The following TRIM2 variants were observed in gnomAD, a reference collection of about 807,000 sequenced individuals.
TRIM2 encodes tripartite motif-containing protein 2.
Under a neutral mutation model 75.2 loss-of-function variants are expected in TRIM2, and 20 were observed. The observed-to-expected ratio is 0.27, with a 90% confidence interval of 0.19 to 0.39. TRIM2 has a LOEUF of 0.39. Among genes scored for constraint, TRIM2 ranks in the 10% least tolerant of loss-of-function variants. The probability of loss-of-function intolerance (pLI) is 1.00; values close to 1 mark genes in which losing one functional copy is unlikely to be tolerated. For synonymous variants in TRIM2, 373 were observed against 388.3 expected (o/e 0.96, Z 0.46); for missense variants, 660 against 990.8 (o/e 0.67, Z 4.48).
chr4:153,209,737 T>A (rs1736435681), intron 1 of TRIM2, among the ~76,000 whole-genome samples: 1 of 152,206 alleles, frequency 6.6e-6, no homozygotes, highest in African/African-American at 2.4e-5. Flanking sequence ...GATCTATTCC[T>A]TAGTGTGTGG....
chr4:153,188,119 T>G (rs1013092230), intron 1 of TRIM2, among the ~76,000 whole-genome samples: 33 of 152,312 alleles, frequency 2.2e-4, no homozygotes, highest in African/African-American at 7.9e-4. Flanking sequence ...AAGCTGGAGT[T>G]GTTATTCTAA....
chr4:153,232,735 T>C (rs1320783158), intron 1 of TRIM2, among the ~76,000 whole-genome samples: 2 of 152,202 alleles, frequency 1.3e-5, no homozygotes. Context: ...AATGGTAATG[T>C]GTCGTTAAGT....
At chr4:153,252,722 C>A (rs184939914) in intron 1 of TRIM2, among the ~76,000 whole-genome samples, 119 of 152,262 alleles carry the variant, frequency 7.8e-4, no homozygotes, top group African/African-American at 2.8e-3. Context: ...CTTGGCCAGG[C>A]TTGTCTTGAA....
At chr4:153,321,987 G>C (rs1323656696) in intron 8 of TRIM2, among the ~76,000 whole-genome samples, 6 of 152,172 alleles carry the variant, frequency 3.9e-5, no homozygotes, top group Non-Finnish European at 8.8e-5. Context: ...GCAAGCAATG[G>C]AAGTAGGTCA....
At chr4:153,284,368 T>A (rs933817731) in intron 3 of TRIM2, among the ~76,000 whole-genome samples, 2 of 151,610 alleles carry the variant, frequency 1.3e-5, no homozygotes, top group Admixed American at 1.3e-4. Flanking sequence ...GCCTGGCTAA[T>A]TTTTTTGTAT....
At chr4:153,191,045 A>G (rs1325337042) in intron 1 of TRIM2, among the ~76,000 whole-genome samples, 2 of 152,148 alleles carry the variant, frequency 1.3e-5, no homozygotes, top group Non-Finnish European at 2.9e-5. Context: ...CTGGAATGCT[A>G]TTCTTTTTCT....
intron 1 of TRIM2, among the ~76,000 whole-genome samples, chr4:153,231,253 A>G (rs56382040): frequency 1.3e-5 from 2 of 152,220 alleles, no homozygotes; most frequent in African/African-American, 4.8e-5. Flanking sequence ...AGAATATCAC[A>G]TAGGAAACCA....
At chr4:153,174,378 T>C (rs1731201516) in intron 1 of TRIM2, among the ~76,000 whole-genome samples, 1 of 151,954 alleles carries the variant, frequency 6.6e-6, no homozygotes. Context: ...GAATCAGTCC[T>C]GAGACTCAGG....
At chr4:153,325,128 G>A (rs1769873652) in intron 10 of TRIM2, among the ~76,000 whole-genome samples, 1 of 152,112 alleles carries the variant, frequency 6.6e-6, no homozygotes, top group Non-Finnish European at 1.5e-5. Flanking sequence ...CTAGATAAGG[G>A]GTAGGTTTTT....
chr4:153,169,922 T>C (rs1305129792), intron 1 of TRIM2, among the ~76,000 whole-genome samples: 1 of 152,150 alleles, frequency 6.6e-6, no homozygotes, highest in Non-Finnish European at 1.5e-5. Flanking sequence ...CTCTCCACAA[T>C]GGCCGTCTAC....
upstream of TRIM2, among the ~76,000 whole-genome samples, chr4:153,201,738 A>T (rs925363941): frequency 1.1e-4 from 17 of 152,150 alleles, no homozygotes; most frequent in African/African-American, 3.9e-4. Flanking sequence ...ATTTTAACGA[A>T]GTCCAATTTA....
In TRIM2 at chr4:153,335,088, A is replaced by G. The variant is rs538908761; in HGVS notation, c.*122A>G. On this transcript the variant is annotated 3_prime_UTR_variant, in exon 12 of 12. Coordinates refer to ENST00000338700, the MANE Select transcript of TRIM2 (RefSeq NM_015271.5). The stretch of plus-strand genomic sequence containing the variant: ...AGAAGGAATCATTGGTGAACTTTCC[A>G]AGGTTATTTCTGAATGTAACAATTT... 7.5e-7 allele frequency: 1 copy of G among 1,333,312 alleles called. No homozygotes were observed. Among genetic ancestry groups the G allele is most frequent in the Non-Finnish European group, 9.7e-7 (1 of 1,033,236 alleles). The allele number at this position is 1,333,312 out of a possible 1,614,324, so 82.6% of individuals were successfully genotyped here. A position where few individuals can be genotyped will look rare whatever the true frequency, so the allele number is the denominator to read the frequency against.
intron 6 of TRIM2, among the ~76,000 whole-genome samples, chr4:153,298,888 C>A (rs540447764): frequency 3.9e-5 from 6 of 152,178 alleles, no homozygotes; most frequent in Non-Finnish European, 8.8e-5. Context: ...TGCATGTCAC[C>A]AAGCCCAGCT....
rs759549956 is a variant in TRIM2, at chr4:153,315,528, G to T, written c.1554G>T (p.Gly518=). Reference sequence around the variant, plus strand: ...AAGGAGAGTTTACAAATCTTCAGGGGGTAGCTGCATCTACAAATGGAAAGA... The same window carrying T: ...AAGGAGAGTTTACAAATCTTCAGGGTGTAGCTGCATCTACAAATGGAAAGA... ...RNKGEFTNLQ[G]VAASTNGKIL... is the part of the protein sequence containing the mutation. The change falls in exon 7 of 12, where the codon GGG becomes GGT. Residue 518 remains glycine, a synonymous_variant. Coordinates refer to ENST00000338700, the MANE Select transcript of TRIM2 (RefSeq NM_015271.5). 1 of 1,610,552 alleles carries T rather than the reference G, an allele frequency of 6.2e-7. No individual in the cohort carries two copies. Among genetic ancestry groups the T allele is most frequent in the Non-Finnish European group, 8.5e-7 (1 of 1,179,152 alleles).
intron 6 of TRIM2, among the ~76,000 whole-genome samples, chr4:153,300,014 T>A (rs1298316654): frequency 1.3e-5 from 2 of 152,208 alleles, no homozygotes; most frequent in Non-Finnish European, 2.9e-5. Flanking sequence ...TCTATAGAAG[T>A]AAAAATTGCC....
intron 1 of TRIM2, among the ~76,000 whole-genome samples, chr4:153,226,605 T>C (rs1266097169): frequency 3.3e-5 from 5 of 152,216 alleles, no homozygotes; most frequent in African/African-American, 1.2e-4. Flanking sequence ...TTTTTTAGTT[T>C]AATGCAGTCA....
chr4:153,339,161 T>C lies in TRIM2; in HGVS notation c.*4195T>C. ...CGCTGTGCATCAAAGTGTTTGTATG[T>C]TCGTAGCTACATACGTACCACAGTA... is the stretch of plus-strand genomic sequence containing the variant. On this transcript the variant is annotated 3_prime_UTR_variant, in exon 12 of 12. Transcript: ENST00000338700. 1 of 985,882 alleles carries C rather than the reference T, an allele frequency of 1.0e-6. No individual in the cohort carries two copies. The highest frequency in any genetic ancestry group is 1.2e-6 in the Non-Finnish European group (1 of 829,920). 61.1% of individuals were successfully genotyped at this position (985,882 alleles called of 1,614,324 possible).
At chr4:153,196,378 A>G (rs937247288) in intron 1 of TRIM2, among the ~76,000 whole-genome samples, 6 of 152,124 alleles carry the variant, frequency 3.9e-5, no homozygotes, top group African/African-American at 1.4e-4. Flanking sequence ...TCAAGGCTGC[A>G]GTGAGCTATG....
rs1198184936 is a variant in TRIM2, at chr4:153,294,310, C to T, written c.611C>T (p.Pro204Leu). The T allele has an allele frequency of 6.2e-7, 1 of 1,613,752 alleles. No individual in the cohort carries two copies. Among genetic ancestry groups the T allele is most frequent in the Non-Finnish European group, 8.5e-7 (1 of 1,179,906 alleles). ...CTTTAACAACTGTCCACCAGGCTCC[C>T]AGAAATAGATTCTGCTCTTCAGTTC... ...VQLDAVNKRL[P>L]EIDSALQFIS... is the part of the protein sequence containing the mutation. The change falls in exon 5 of 12, where the codon CCA becomes CTA. Residue 204 changes from proline (P) to leucine (L), a missense_variant. Pro to Leu is a moderately conservative substitution (Grantham distance 98). Coordinates refer to ENST00000338700, the MANE Select transcript of TRIM2 (RefSeq NM_015271.5).
Sources: allele counts gnomAD v4.1 joint callset (sites outside exome capture counted in the v4.1 genomes callset), GRCh38; gene constraint gnomAD v4.1.1; transcripts MANE v1.5; gene names NCBI Gene and HGNC (gene_info 2026-07-23, HGNC 2026-07-21).